The following OR7E24 variants were observed in gnomAD, a reference collection of about 807,000 sequenced individuals.
OR7E24 encodes olfactory receptor family 7 subfamily E member 24, also known as olfactory receptor 7E24.
For missense variants in OR7E24, 385 were observed against 410.3 expected, an observed-to-expected ratio of 0.94 and a Z score of 0.53; for synonymous variants, 130 against 157.5, an observed-to-expected ratio of 0.83 and a Z score of 1.31.
At chr19:9,235,712 C>G in the OR7E24 span, 74 of 1,605,232 alleles carry the variant, frequency 4.6e-5, no homozygotes, top group East Asian at 5.1e-4. Context: ...GTGGCCCGCT[C>G]TGATGCTCTC....
At chr19:9,209,098 T>C in the OR7E24 span, 1 of 152,208 alleles carries the variant, frequency 6.6e-6, no homozygotes, top group Non-Finnish European at 1.5e-5. Flanking sequence ...GATTAATACC[T>C]TGTGATGGGA....
At chr19:9,218,972 G>T in the OR7E24 span, among the ~76,000 whole-genome samples, 1 of 152,152 alleles carries the variant, frequency 6.6e-6, no homozygotes, top group South Asian at 2.1e-4. Flanking sequence ...TGGACTGCAT[G>T]TTGAATGTCA....
the OR7E24 span, among the ~76,000 whole-genome samples, chr19:9,228,266 C>A: frequency 3.2e-3 from 487 of 152,280 alleles, 4 homozygotes; most frequent in Middle Eastern, 0.027. Context: ...GGGGATGTAG[C>A]ACATTATGAT....
chr19:9,214,602 G>A, the OR7E24 span: 10,365 of 1,614,070 alleles, frequency 6.4e-3, 549 homozygotes, highest in African/African-American at 0.12. Context: ...TAGCATCTTG[G>A]GGACTGTGGT....
the OR7E24 span, among the ~76,000 whole-genome samples, chr19:9,240,374 T>C: frequency 6.6e-6 from 1 of 152,202 alleles, no homozygotes; most frequent in African/African-American, 2.4e-5. Flanking sequence ...TATGTTTTCT[T>C]TTAGTGGTTT....
chr19:9,246,303 C>T (rs370451496), upstream of OR7E24, among the ~76,000 whole-genome samples: 14 of 151,956 alleles, frequency 9.2e-5, no homozygotes, highest in East Asian at 1.9e-3. Flanking sequence ...CTCCTGACCT[C>T]GTGATCTGCC....
upstream of OR7E24, among the ~76,000 whole-genome samples, chr19:9,246,597 G>A (rs1374246221): frequency 1.3e-5 from 2 of 151,600 alleles, no homozygotes; most frequent in East Asian, 1.9e-4. Context: ...ATATGGAAGC[G>A]ACACAAGCGT....
At chr19:9,231,709 T>A in the OR7E24 span, among the ~76,000 whole-genome samples, 7 of 152,168 alleles carry the variant, frequency 4.6e-5, no homozygotes, top group Non-Finnish European at 1.0e-4. Flanking sequence ...GTTTTTTTTT[T>A]ATTGACCTAT....
chr19:9,225,172 C>G, the OR7E24 span, among the ~76,000 whole-genome samples: 2 of 151,994 alleles, frequency 1.3e-5, no homozygotes, highest in African/African-American at 4.8e-5. Context: ...GTCAGGAGTT[C>G]AAGACCAGCC....
chr19:9,217,096 C>T, the OR7E24 span, among the ~76,000 whole-genome samples: 5,338 of 152,194 alleles, frequency 0.035, 293 homozygotes, highest in African/African-American at 0.12. Flanking sequence ...GAATGTCTGC[C>T]CAGTGTATTC....
upstream of OR7E24, among the ~76,000 whole-genome samples, chr19:9,244,213 T>C (rs2066123431): frequency 6.6e-6 from 1 of 152,240 alleles, no homozygotes; most frequent in Non-Finnish European, 1.5e-5. Context: ...CAACTCAATG[T>C]ACAATTCTAA....
Position 9,251,198 on chromosome 19 carries a change from T to G in OR7E24, c.155T>G (p.Met52Arg), listed in dbSNP as rs1599234655. The G allele has an allele frequency of 6.2e-7, 1 of 1,614,132 alleles. No homozygotes were observed. The highest frequency in any genetic ancestry group is 8.5e-7 in the Non-Finnish European group (1 of 1,180,020). Residue 52 changes from methionine to arginine, a missense_variant, in exon 1 of 1, where the codon ATG becomes AGG. Coordinates refer to ENST00000456448, the MANE Select transcript of OR7E24 (RefSeq NM_001079935.2). Reference sequence around the variant, plus strand: ...GTCCTCGCTGGGCTGTTCCTGTCCATGTACCTGGTCACGGTGCTGGGGAAC... The same window carrying G: ...GTCCTCGCTGGGCTGTTCCTGTCCAGGTACCTGGTCACGGTGCTGGGGAAC... ...QPVLAGLFLS[M>R]YLVTVLGNLL... is the part of the protein sequence containing the mutation.
chr19:9,212,178 ATTTATC>A, the OR7E24 span: 1 of 152,142 alleles, frequency 6.6e-6, no homozygotes, highest in African/African-American at 2.4e-5. Flanking sequence ...TCCCTCAACT[ATTTATC>A]TTTAGAGTTA....
the OR7E24 span, among the ~76,000 whole-genome samples, chr19:9,217,905 T>C: frequency 6.6e-6 from 1 of 152,086 alleles, no homozygotes; most frequent in Non-Finnish European, 1.5e-5. Flanking sequence ...CAGAAGAGAA[T>C]TCGAGATTGT....
chr19:9,246,465 A>AG (rs2066130366), upstream of OR7E24, among the ~76,000 whole-genome samples: 1 of 97,814 alleles, frequency 1.0e-5, no homozygotes, highest in African/African-American at 3.4e-5. Flanking sequence ...CCTTAAAGGT[A>AG]TTGTGTGTGT....
the OR7E24 span, among the ~76,000 whole-genome samples, chr19:9,227,050 T>G: frequency 3.3e-5 from 5 of 152,124 alleles, no homozygotes; most frequent in African/African-American, 1.2e-4. Flanking sequence ...CCTCCCACCC[T>G]CCATCCTCTG....
At chr19:9,213,188 A>G in the OR7E24 span, 1 of 152,244 alleles carries the variant, frequency 6.6e-6, no homozygotes, top group Non-Finnish European at 1.5e-5. Context: ...AAAAAACTAT[A>G]CTAAGGTGAG....
At chr19:9,248,261 G>T (rs2066135998), upstream of OR7E24, among the ~76,000 whole-genome samples, 2 of 152,268 alleles carry the variant, frequency 1.3e-5, no homozygotes, top group Admixed American at 1.3e-4. Context: ...TAAATGCATG[G>T]ATCTCAGCTC....
At chr19:9,234,240 G>A in the OR7E24 span, among the ~76,000 whole-genome samples, 1 of 152,056 alleles carries the variant, frequency 6.6e-6, no homozygotes, top group African/African-American at 2.4e-5. Flanking sequence ...TAAGTTGGTG[G>A]ACCAAAATTC....
Sources: gnomAD v4.1 joint callset for allele counts (sites outside exome capture counted in the v4.1 genomes callset) on GRCh38, gnomAD v4.1.1 for gene constraint, MANE v1.5 for transcripts, NCBI Gene and HGNC (gene_info 2026-07-23, HGNC 2026-07-21) for gene names.